Variants in MKLN1 observed in about 807,000 individuals in gnomAD.
The protein encoded by MKLN1 is muskelin.
Under a neutral mutation model 99.0 loss-of-function variants are expected in MKLN1, and 18 were observed. The observed-to-expected ratio is 0.18, with a 90% CI of 0.13 to 0.27. The LOEUF (loss-of-function observed/expected upper bound fraction) is 0.27. Among genes scored for constraint, MKLN1 ranks in the 10% least tolerant of loss-of-function variants. The pLI, the probability that MKLN1 is intolerant of heterozygous loss-of-function variation, is 1.00. For synonymous variants in MKLN1, 288 were observed against 293.2 expected (o/e 0.98, Z 0.18); for missense variants, 621 against 875.9 (o/e 0.71, Z 3.67).
intron 3 of MKLN1, among the ~76,000 whole-genome samples, chr7:131,283,895 T>C (rs1798095703): frequency 6.6e-6 from 1 of 152,232 alleles, no homozygotes; most frequent in Non-Finnish European, 1.5e-5. Flanking sequence ...CTGTAGCTTT[T>C]TTTCTCAACA....
chr7:131,293,839 G>A (rs183927692), intron 3 of MKLN1, among the ~76,000 whole-genome samples: 2 of 152,082 alleles, frequency 1.3e-5, no homozygotes, highest in Non-Finnish European at 2.9e-5. Context: ...AAAAGTCAGT[G>A]TCATGAAAAG....
At chr7:131,362,706 TG>T (rs1170228597) in intron 1 of MKLN1, among the ~76,000 whole-genome samples, 1 of 152,072 alleles carries the variant, frequency 6.6e-6, no homozygotes, top group African/African-American at 2.4e-5. Context: ...TTTCCCTTAC[TG>T]GGCTATTTTA....
intron 3 of MKLN1, among the ~76,000 whole-genome samples, chr7:131,321,280 C>A (rs553612492): frequency 1.3e-5 from 2 of 152,082 alleles, no homozygotes; most frequent in Admixed American, 6.5e-5. Context: ...TTTCCAGGGA[C>A]ATGGATGACG....
intron 3 of MKLN1, among the ~76,000 whole-genome samples, chr7:131,285,957 CTTT>C (rs1554546958): frequency 2.5e-5 from 3 of 117,748 alleles, no homozygotes; most frequent in African/African-American, 3.1e-5. Context: ...CATCTATGGA[CTTT>C]TTTTTTTTTT....
intron 8 of MKLN1, among the ~76,000 whole-genome samples, chr7:131,423,499 A>AT (rs1795265269): frequency 6.6e-6 from 1 of 151,888 alleles, no homozygotes; most frequent in South Asian, 2.1e-4. Context: ...CGCCTGGCTA[A>AT]TTTTGTATTT....
chr7:131,353,961 T>A, intron 1 of MKLN1, among the ~76,000 whole-genome samples: 1 of 151,436 alleles, frequency 6.6e-6, no homozygotes, highest in East Asian at 1.9e-4. Flanking sequence ...TTTGGGGGCC[T>A]TTTATTCTGT....
intron 12 of MKLN1, among the ~76,000 whole-genome samples, chr7:131,448,753 A>G (rs981668565): frequency 6.6e-6 from 1 of 152,160 alleles, no homozygotes; most frequent in Non-Finnish European, 1.5e-5. Flanking sequence ...CAAAATCACC[A>G]TTTTTTACTG....
chr7:131,173,258 A>T (rs1796243030), intron 2 of MKLN1, among the ~76,000 whole-genome samples: 1 of 152,158 alleles, frequency 6.6e-6, no homozygotes, highest in Non-Finnish European at 1.5e-5. Context: ...AGGAAATATT[A>T]AATCTAATAA....
intron 2 of MKLN1, among the ~76,000 whole-genome samples, chr7:131,381,892 T>C (rs1793859981): frequency 6.6e-6 from 1 of 152,230 alleles, no homozygotes; most frequent in African/African-American, 2.4e-5. Flanking sequence ...CATACATCTG[T>C]ATGTACTCAC....
intron 2 of MKLN1, among the ~76,000 whole-genome samples, chr7:131,383,913 T>C (rs968539075): frequency 6.6e-6 from 1 of 152,224 alleles, no homozygotes; most frequent in Non-Finnish European, 1.5e-5. Flanking sequence ...GCCAGTTCTT[T>C]TAATCCGCTC....
At chr7:131,316,160 GA>G (rs1013009850) in intron 3 of MKLN1, among the ~76,000 whole-genome samples, 2 of 152,204 alleles carry the variant, frequency 1.3e-5, no homozygotes, top group Non-Finnish European at 2.9e-5. Context: ...GGGCTTGACA[GA>G]AACCTCCCAA....
At chr7:131,166,340 G>A (rs1464166328) in intron 2 of MKLN1, among the ~76,000 whole-genome samples, 2 of 152,212 alleles carry the variant, frequency 1.3e-5, no homozygotes, top group African/African-American at 4.8e-5. Flanking sequence ...AGCCCATTCC[G>A]AACACACTGG....
intron 1 of MKLN1, among the ~76,000 whole-genome samples, chr7:131,113,600 T>C (rs1395184955): frequency 2.0e-5 from 3 of 150,280 alleles, no homozygotes; most frequent in African/African-American, 4.9e-5. Flanking sequence ...GGTGGGCAGA[T>C]TGCTTGAGCT....
chr7:131,275,559 ATATATATATTTT>A (rs1240196111), intron 3 of MKLN1, among the ~76,000 whole-genome samples: 4 of 14,460 alleles, frequency 2.8e-4, no homozygotes, highest in African/African-American at 1.7e-3. Flanking sequence ...ATATATATAT[ATATATATATTTT>A]TTTTTTTTTT....
intron 3 of MKLN1, among the ~76,000 whole-genome samples, chr7:131,388,678 A>G (rs1563324289): frequency 6.6e-6 from 1 of 152,232 alleles, no homozygotes; most frequent in Non-Finnish European, 1.5e-5. Flanking sequence ...TCCTCGTATA[A>G]TTAAGAGAAT....
At chr7:131,217,324 G>A (rs1306120036) in intron 3 of MKLN1, among the ~76,000 whole-genome samples, 3 of 152,166 alleles carry the variant, frequency 2.0e-5, no homozygotes, top group Non-Finnish European at 4.4e-5. Context: ...AGGAAATGGG[G>A]ATACAAAGAT....
At chr7:131,214,555 C>G (rs187697920) in intron 3 of MKLN1, among the ~76,000 whole-genome samples, 1 of 152,204 alleles carries the variant, frequency 6.6e-6, no homozygotes, top group African/African-American at 2.4e-5. Flanking sequence ...CCCAGGTCCC[C>G]ATGATGCTGC....
chr7:131,307,356 G>A (rs1798483273), intron 3 of MKLN1, among the ~76,000 whole-genome samples: 1 of 152,132 alleles, frequency 6.6e-6, no homozygotes, highest in Non-Finnish European at 1.5e-5. Context: ...CCCACATGGA[G>A]TCCCCACTGG....
chr7:131,340,918 T>G (rs990931393), intron 1 of MKLN1, among the ~76,000 whole-genome samples: 4 of 152,208 alleles, frequency 2.6e-5, no homozygotes, highest in African/African-American at 7.2e-5. Context: ...GTATTATATT[T>G]GGAAAGACTT....
Sources: allele counts gnomAD v4.1 joint callset (sites outside exome capture counted in the v4.1 genomes callset), GRCh38; gene constraint gnomAD v4.1.1; transcripts MANE v1.5; gene names NCBI Gene and HGNC (gene_info 2026-07-23, HGNC 2026-07-21).